UGGT2: variants seen among roughly 807,000 people sequenced by gnomAD.
UGGT2 encodes the protein UDP-glucose glycoprotein glucosyltransferase 2.
UGGT2 carries 180 observed loss-of-function variants against 192.1 expected under a neutral mutation model. The observed-to-expected ratio is 0.94, with a 90% confidence interval of 0.83 to 1.06. The LOEUF (loss-of-function observed/expected upper bound fraction) is 1.06. Ranked by LOEUF, UGGT2 falls within the 50% of genes least tolerant of loss-of-function variation. The pLI is 0.00. For missense variants in UGGT2, 1,849 were observed against 1,795.7 expected, an observed-to-expected ratio of 1.03 and a Z score of -0.54; for synonymous variants, 580 against 591.0, an observed-to-expected ratio of 0.98 and a Z score of 0.27.
At chr13:95,896,425 A>G (rs2047947704) in intron 22 of UGGT2, among the ~76,000 whole-genome samples, 1 of 152,118 alleles carries the variant, frequency 6.6e-6, no homozygotes, top group Non-Finnish European at 1.5e-5. Context: ...TAAACATTTC[A>G]TTGTCTTAAG....
At chr13:95,858,272 T>A (rs1889814378) in intron 33 of UGGT2, among the ~76,000 whole-genome samples, 2 of 151,920 alleles carry the variant, frequency 1.3e-5, no homozygotes, top group African/African-American at 4.8e-5. Flanking sequence ...CCTCTACCCT[T>A]GGAATTTCCT....
intron 1 of UGGT2, among the ~76,000 whole-genome samples, chr13:96,033,378 CTT>C (rs1352765628): frequency 6.6e-6 from 1 of 152,168 alleles, no homozygotes; most frequent in African/African-American, 2.4e-5. Context: ...GCCCCACCCA[CTT>C]CTGAGTTGGT....
At chr13:95,836,915 G>T (rs1195843580) in intron 37 of UGGT2, among the ~76,000 whole-genome samples, 171 bp downstream of exon 37, 1 of 152,108 alleles carries the variant, frequency 6.6e-6, no homozygotes, top group African/African-American at 2.4e-5. Flanking sequence ...GTGGTCTTGG[G>T]GGCCCCCAAA....
At chr13:95,906,511 TAGAAGACCCA>T (rs2048296027) in intron 20 of UGGT2, among the ~76,000 whole-genome samples, 1 of 152,116 alleles carries the variant, frequency 6.6e-6, no homozygotes, top group South Asian at 2.1e-4. Context: ...ATATGCATTA[TAGAAGACCCA>T]GGAAGACAAG....
chr13:95,947,566 C>G (rs886585608), intron 14 of UGGT2, among the ~76,000 whole-genome samples: 1 of 152,048 alleles, frequency 6.6e-6, no homozygotes, highest in African/African-American at 2.4e-5. Flanking sequence ...ATTCTCCTGC[C>G]TCAGCCTCCA....
chr13:95,909,747 T>TATTATAATA (rs755079988), intron 20 of UGGT2, among the ~76,000 whole-genome samples: 1 of 109,388 alleles, frequency 9.1e-6, no homozygotes, highest in South Asian at 3.4e-4. Flanking sequence ...AAACTTGAAG[T>TATTATAATA]ATAATAATAA....
At chr13:95,960,238 C>T (rs899770345) in intron 12 of UGGT2, among the ~76,000 whole-genome samples, 1 of 152,112 alleles carries the variant, frequency 6.6e-6, no homozygotes, top group Non-Finnish European at 1.5e-5. Flanking sequence ...AGCAACAGAT[C>T]CCAATCTAAA....
rs577988303 is a variant in UGGT2 at position 95,835,154 on chromosome 13, A to C, written c.4401+1932T>G. 2.0e-5 allele frequency among the ~76,000 whole-genome samples: 3 copies of C among 152,356 alleles called. No individual in the cohort carries two copies. In the South Asian group the frequency reaches 6.2e-4, roughly 32 times the overall value. On this transcript the variant is annotated intron_variant, in intron 37 of 38. Coordinates refer to ENST00000376747, the MANE Select transcript of UGGT2 (RefSeq NM_020121.4). The stretch of plus-strand genomic sequence containing the variant: ...ACCTTACAGCACATCTCAATTCAGA[A>C]TAGCAACATGTTAAGGGCTCAACAG...
Position 95,996,121 on chromosome 13 carries a change from T to C in UGGT2, c.772A>G (p.Thr258Ala), listed in dbSNP as rs913966300. 6.2e-7 allele frequency: 1 copy of C among 1,612,632 alleles called. No individual in the cohort carries two copies. The highest frequency in any genetic ancestry group is 2.2e-5 in the East Asian group (1 of 44,826). The change falls in exon 7 of 39, where the codon ACT becomes GCT. Residue 258 changes from threonine to alanine, a missense_variant. By Grantham distance (58) the Thr-to-Ala change is moderately conservative. Transcript: ENST00000376747. The part of the protein sequence containing the change: ...DTQVKTVTNT[T>A]VEDETETNEV... The stretch of plus-strand genomic sequence containing the variant: ...TTTGTTTCAGTCTCATCCTCTACAG[T>C]AGTATTAGTCACAGCTACATTTTGG...
chr13:96,048,805 A>C (rs552770860), intron 1 of UGGT2, among the ~76,000 whole-genome samples: 1 of 152,202 alleles, frequency 6.6e-6, no homozygotes, highest in Admixed American at 6.5e-5. Flanking sequence ...GAATCCCTGA[A>C]TACACCAATA....
intron 4 of UGGT2, among the ~76,000 whole-genome samples, chr13:96,020,117 T>C (rs1315349558): frequency 6.6e-6 from 1 of 152,176 alleles, no homozygotes; most frequent in Non-Finnish European, 1.5e-5. Context: ...GAATATATAA[T>C]TTCCATTTGA....
intron 17 of UGGT2, among the ~76,000 whole-genome samples, chr13:95,929,318 G>C (rs557104330): frequency 6.6e-6 from 1 of 151,998 alleles, no homozygotes; most frequent in Non-Finnish European, 1.5e-5. Flanking sequence ...TTTTAGATTC[G>C]AGGGTACACA....
intron 33 of UGGT2, 23 bp downstream of exon 33, chr13:95,859,568 T>C: frequency 6.4e-7 from 1 of 1,552,002 alleles, no homozygotes; most frequent in Non-Finnish European, 8.9e-7. Context: ...TTAACCATTC[T>C]ACAAAAAAAG....
At chr13:95,914,548 G>A (rs1297334013) in intron 20 of UGGT2, among the ~76,000 whole-genome samples, 1 of 149,060 alleles carries the variant, frequency 6.7e-6, no homozygotes, top group Non-Finnish European at 1.5e-5. Flanking sequence ...GCTGAGGCAG[G>A]TGGATCACCT....
chr13:95,866,344 T>C (rs1163623800), intron 30 of UGGT2, among the ~76,000 whole-genome samples: 1 of 152,198 alleles, frequency 6.6e-6, no homozygotes, highest in East Asian at 1.9e-4. Context: ...CTTGGGTCTT[T>C]GTGTATCAGT....
Position 95,856,297 on chromosome 13 carries a change from T to A in UGGT2, c.3869A>T (p.Glu1290Val). The A allele has an allele frequency of 6.2e-7, 1 of 1,612,746 alleles. No homozygotes were observed. Residue 1290 changes from glutamate to valine, a missense_variant, in exon 34 of 39, where the codon GAA (glutamate) becomes GTA (valine). Glu to Val is a moderately radical substitution (Grantham distance 121). Transcript: ENST00000376747. ...HMAKEYGFRY[E>V]LVQYRWPRWL... Reference sequence around the variant, plus strand: ...ACGGGGCCACCTATATTGAACTAGTTCATATCGGAATCCATACTCTTTAGC... The same window carrying A: ...ACGGGGCCACCTATATTGAACTAGTACATATCGGAATCCATACTCTTTAGC...
intron 17 of UGGT2, among the ~76,000 whole-genome samples, chr13:95,929,050 C>G (rs949343510): frequency 6.6e-6 from 1 of 152,102 alleles, no homozygotes; most frequent in Admixed American, 6.5e-5. Flanking sequence ...GAAAACCAGT[C>G]AGGCGTGGCG....
At position 96,013,444 on chromosome 13, in the gene UGGT2, G is replaced by A; in HGVS notation, c.523C>T (p.Pro175Ser). 8 of 1,599,814 alleles carry A rather than the reference G, an allele frequency of 5.0e-6. No homozygotes were observed. Among genetic ancestry groups the A allele is most frequent in the African/African-American group, 1.3e-5 (1 of 74,346 alleles). The change falls in exon 5 of 39, where the codon CCT becomes TCT. Residue 175 changes from proline to serine, a missense_variant. Transcript: ENST00000376747. ...ACTGGTAAGTTCTCTTTGTTTGTAGGAAATTTGTGATCTCCTTTAAATAGA... is the reference window on the plus strand; with the variant it reads ...ACTGGTAAGTTCTCTTTGTTTGTAGAAAATTTGTGATCTCCTTTAAATAGA... Reference protein sequence around the residue: ...PYLFKGDHKFPTNKENLPVVI... With the variant: ...PYLFKGDHKFSTNKENLPVVI...
intron 16 of UGGT2, among the ~76,000 whole-genome samples, chr13:95,937,643 C>T (rs995438541): frequency 1.3e-5 from 2 of 152,120 alleles, no homozygotes; most frequent in Middle Eastern, 3.2e-3. Flanking sequence ...AAAACACAGG[C>T]ATGTAGAAGA....
Sources: allele counts gnomAD v4.1 joint callset (sites outside exome capture counted in the v4.1 genomes callset), GRCh38; gene constraint gnomAD v4.1.1; transcripts MANE v1.5; gene names NCBI Gene and HGNC (gene_info 2026-07-23, HGNC 2026-07-21).